TEX36: variants seen among roughly 807,000 people sequenced by gnomAD.
The protein encoded by TEX36 is testis-expressed protein 36.
A neutral mutation model predicts 13.6 loss-of-function variants in TEX36; 12 were observed. The ratio of observed to expected loss-of-function variants is 0.88; its 90% CI spans 0.56 to 1.43. The LOEUF (loss-of-function observed/expected upper bound fraction) is 1.43, where lower values mean the gene tolerates loss of function less well. Ranked by LOEUF, TEX36 falls within the 40% of genes most tolerant of loss-of-function variation. The pLI is 0.00. For missense variants in TEX36, 224 were observed against 228.3 expected, an observed-to-expected ratio of 0.98 and a Z score of 0.12; for synonymous variants, 93 against 83.0, an observed-to-expected ratio of 1.12 and a Z score of -0.65.
downstream of TEX36, among the ~76,000 whole-genome samples, chr10:125,621,324 G>T (rs569242668): frequency 6.6e-6 from 1 of 151,992 alleles, no homozygotes; most frequent in East Asian, 1.9e-4. Flanking sequence ...GAGCACAGGG[G>T]CTCCAATTTC....
intron 3 of TEX36, among the ~76,000 whole-genome samples, chr10:125,626,343 T>A (rs1489114958): frequency 6.6e-6 from 1 of 152,290 alleles, no homozygotes; most frequent in Middle Eastern, 3.4e-3. Flanking sequence ...GAGTGCCCCC[T>A]ATATCCTGGG....
At chr10:125,580,824 G>A (rs1438411922) in intron 3 of TEX36, among the ~76,000 whole-genome samples, 1 of 152,150 alleles carries the variant, frequency 6.6e-6, no homozygotes, top group Non-Finnish European at 1.5e-5. Flanking sequence ...TTGGCATAGG[G>A]ATGGTCACAT....
At chr10:125,673,167 T>C (rs1202955590) in intron 1 of TEX36, among the ~76,000 whole-genome samples, 1 of 152,208 alleles carries the variant, frequency 6.6e-6, no homozygotes, top group Non-Finnish European at 1.5e-5. Flanking sequence ...CCTGTCATCA[T>C]GATGTTAGCT....
intron 3 of TEX36, among the ~76,000 whole-genome samples, chr10:125,647,505 A>G (rs911333967): frequency 6.6e-6 from 1 of 152,252 alleles, no homozygotes; most frequent in Admixed American, 6.5e-5. Context: ...GGAACAAAAA[A>G]CAACAAATTA....
chr10:125,674,542 T>C (rs1255635930), intron 1 of TEX36, among the ~76,000 whole-genome samples: 1 of 152,240 alleles, frequency 6.6e-6, no homozygotes, highest in Non-Finnish European at 1.5e-5. Context: ...ATTAATTCTT[T>C]CTCCTTTTTG....
intron 3 of TEX36, among the ~76,000 whole-genome samples, chr10:125,608,990 A>G (rs1162694477): frequency 7.4e-6 from 1 of 134,636 alleles, no homozygotes; most frequent in East Asian, 2.0e-4. Context: ...AAAAAAAAAA[A>G]AGAAAGAAAA....
At chr10:125,613,137 G>C (rs1212779135) in intron 3 of TEX36, among the ~76,000 whole-genome samples, 1 of 151,196 alleles carries the variant, frequency 6.6e-6, no homozygotes, top group East Asian at 1.9e-4. Context: ...GGAAAGCTAG[G>C]GTCAGTCCCA....
intron 3 of TEX36, among the ~76,000 whole-genome samples, chr10:125,600,394 T>C (rs1846130936): frequency 1.3e-5 from 2 of 151,938 alleles, no homozygotes; most frequent in African/African-American, 4.8e-5. Flanking sequence ...TGTCACTAGA[T>C]GGGAGTGATC....
At chr10:125,583,696 A>G (rs1342088563) in intron 3 of TEX36, among the ~76,000 whole-genome samples, 1 of 152,224 alleles carries the variant, frequency 6.6e-6, no homozygotes, top group African/African-American at 2.4e-5. Flanking sequence ...TACTTTTAAA[A>G]TGTTTTCCTT....
intron 3 of TEX36, among the ~76,000 whole-genome samples, chr10:125,649,291 A>G (rs1236909196): frequency 6.6e-6 from 1 of 152,238 alleles, no homozygotes; most frequent in Non-Finnish European, 1.5e-5. Flanking sequence ...AGCCCATCAG[A>G]CTAACAGCAG....
chr10:125,677,869 A>G (rs1847334772), intron 1 of TEX36, among the ~76,000 whole-genome samples: 1 of 152,034 alleles, frequency 6.6e-6, no homozygotes, highest in Admixed American at 6.6e-5. Flanking sequence ...GTTAGTAGAG[A>G]TGGGGTTTCA....
At position 125,659,895 on chromosome 10, in the gene TEX36, GC is replaced by G. The variant is rs367625133; in HGVS notation, c.264+1125del. The stretch of plus-strand genomic sequence containing the variant: ...GGATTTGCAGGTATCACTTGATACA[GC>G]TTTCTATCTAATAGGTTTCCCTGTG... On this transcript the variant is annotated intron_variant, in intron 3 of 3. Coordinates refer to ENST00000368821, the MANE Select transcript of TEX36 (RefSeq NM_001128202.3). Among the ~76,000 whole-genome samples, 99 of 152,272 alleles carry G rather than the reference GC, an allele frequency of 6.5e-4. 1 individual carries two copies. Among genetic ancestry groups the G allele is most frequent in the African/African-American group, 2.2e-3 (92 of 41,566 alleles).
At chr10:125,627,442 A>G (rs556973479) in intron 3 of TEX36, among the ~76,000 whole-genome samples, 71 of 152,338 alleles carry the variant, frequency 4.7e-4, no homozygotes, top group African/African-American at 1.6e-3. Context: ...TTGGCCTGTT[A>G]GAATATTTAA....
At chr10:125,648,903 A>G (rs1846812718) in intron 3 of TEX36, among the ~76,000 whole-genome samples, 1 of 152,238 alleles carries the variant, frequency 6.6e-6, no homozygotes, top group Non-Finnish European at 1.5e-5. Flanking sequence ...AAGAAAGGGT[A>G]TCAGTGATTG....
intron 3 of TEX36, among the ~76,000 whole-genome samples, chr10:125,598,349 G>A (rs1249722790): frequency 6.6e-6 from 1 of 152,206 alleles, no homozygotes; most frequent in East Asian, 1.9e-4. Flanking sequence ...AACTGGGTTA[G>A]TTTTTTGGCG....
At chr10:125,613,639 C>T (rs1846319710) in intron 3 of TEX36, among the ~76,000 whole-genome samples, 1 of 151,868 alleles carries the variant, frequency 6.6e-6, no homozygotes, top group South Asian at 2.1e-4. Context: ...CATAGTATTC[C>T]ATGGTGTATA....
chr10:125,656,001 A>G lies in TEX36; in HGVS notation c.460T>C (p.Phe154Leu), dbSNP rs1042014126. ...TAGCTTCTCTCAGGAAGAAATGTAA[A>G]AGCGTTCCATATCTCTTTATAGCAT... ...PRCYKEIWNA[F>L]TFLPERSYTE... The change falls in exon 4 of 4, where the codon TTT (phenylalanine) becomes CTT (leucine). Residue 154 changes from phenylalanine (F) to leucine (L), a missense_variant. Transcript: ENST00000368821. 1.1e-4 allele frequency: 168 copies of G among 1,551,774 alleles called. No homozygotes were observed. The highest frequency in any genetic ancestry group is 1.4e-4 in the Non-Finnish European group (166 of 1,146,998).
chr10:125,646,262 G>T (rs924281290), intron 3 of TEX36, among the ~76,000 whole-genome samples: 1 of 152,186 alleles, frequency 6.6e-6, no homozygotes, highest in African/African-American at 2.4e-5. Context: ...GGAGGTCAAG[G>T]TTGCAGTGAG....
chr10:125,667,417 G>A lies in TEX36; in HGVS notation c.52-5440C>T. 7.4e-6 allele frequency: 5 copies of A among 671,846 alleles called. No homozygotes were observed. In the East Asian group the frequency reaches 1.6e-4, roughly 22 times the overall value. The allele number at this position is 671,846 out of a possible 1,614,324, so 41.6% of individuals were successfully genotyped here. A position where few individuals can be genotyped will look rare whatever the true frequency, so the allele number is the denominator to read the frequency against. ...CAATGGGCACAATGCCACTCTGCTA[G>A]CAGATGCTGGCATGACAGGCCAGGA... On this transcript the variant is annotated intron_variant, in intron 1 of 3. Transcript: ENST00000368821.
Sources: gnomAD v4.1 joint callset for allele counts (sites outside exome capture counted in the v4.1 genomes callset) on GRCh38, gnomAD v4.1.1 for gene constraint, MANE v1.5 for transcripts, NCBI Gene and HGNC (gene_info 2026-07-23, HGNC 2026-07-21) for gene names.